The following RNF150 variants were observed in gnomAD, a reference collection of about 807,000 sequenced individuals.
The protein encoded by RNF150 is ring finger protein 150.
A neutral mutation model predicts 39.3 loss-of-function variants in RNF150; 24 were observed. The observed-to-expected ratio is 0.61, with a 90% CI of 0.44 to 0.86. The LOEUF is 0.86. Among genes scored for constraint, RNF150 ranks in the 40% least tolerant of loss-of-function variants. The pLI is 0.00. For missense variants in RNF150, 502 were observed against 587.8 expected (o/e 0.85, Z 1.51); for synonymous variants, 255 against 227.3 (o/e 1.12, Z -1.10).
intron 1 of RNF150, among the ~76,000 whole-genome samples, chr4:141,043,019 A>G (rs1736426306): frequency 1.3e-5 from 2 of 152,118 alleles, no homozygotes; most frequent in African/African-American, 4.8e-5. Context: ...TCTTTTTTAG[A>G]TTTAACATGT....
At chr4:141,026,534 CA>C (rs1181696436) in intron 1 of RNF150, among the ~76,000 whole-genome samples, 3 of 152,108 alleles carry the variant, frequency 2.0e-5, no homozygotes, top group Non-Finnish European at 4.4e-5. Flanking sequence ...GTGGGGTGTG[CA>C]AAGCATTTCT....
At chr4:140,907,680 T>C (rs141144779) in intron 6 of RNF150, among the ~76,000 whole-genome samples, 1 of 152,294 alleles carries the variant, frequency 6.6e-6, no homozygotes, top group Non-Finnish European at 1.5e-5. Flanking sequence ...TAGGCAACTG[T>C]GTTAATTTTT....
At chr4:140,934,200 G>C (rs1273960709) in intron 4 of RNF150, among the ~76,000 whole-genome samples, 3 of 152,092 alleles carry the variant, frequency 2.0e-5, no homozygotes, top group African/African-American at 7.2e-5. Flanking sequence ...TGTAGAGACA[G>C]GGTTTTGCCA....
In RNF150 at chr4:140,999,951, G is replaced by A. The variant is rs1291084184; in HGVS notation, c.485-32078C>T. ...AGACTTGGTCTCAAAAAAAGAAGAA[G>A]AAGAAGAAGAAGAAGAAGAAGAAGA... On this transcript the variant is annotated intron_variant, in intron 1 of 6. Coordinates refer to ENST00000515673, the MANE Select transcript of RNF150 (RefSeq NM_020724.2). Among the ~76,000 whole-genome samples, 27 of 38,142 alleles carry A rather than the reference G, an allele frequency of 7.1e-4. 1 individual carries two copies. Among genetic ancestry groups the A allele is most frequent in the Non-Finnish European group, 1.5e-3 (21 of 14,100 alleles). The allele number at this position is 38,142 out of a possible 152,430, so 25.0% of individuals were successfully genotyped here.
At chr4:141,003,668 T>A (rs768215906) in intron 1 of RNF150, among the ~76,000 whole-genome samples, 3 of 151,952 alleles carry the variant, frequency 2.0e-5, no homozygotes, top group South Asian at 2.1e-4. Flanking sequence ...AGGAAAGTCA[T>A]AGATGCATCT....
At chr4:141,070,291 T>G (rs527435438) in intron 1 of RNF150, among the ~76,000 whole-genome samples, 128 of 152,218 alleles carry the variant, frequency 8.4e-4, no homozygotes, top group African/African-American at 3.0e-3. Flanking sequence ...GAAGAAAACC[T>G]AGGCATTACC....
intron 1 of RNF150, among the ~76,000 whole-genome samples, chr4:141,099,418 AAAAG>A (rs531502824): frequency 3.2e-4 from 49 of 152,176 alleles, no homozygotes; most frequent in Non-Finnish European, 5.3e-4. Flanking sequence ...AGAAAGCAGA[AAAAG>A]AAAGAGAAGA....
At chr4:141,128,367 T>C (rs772017799) in intron 1 of RNF150, among the ~76,000 whole-genome samples, 34 of 152,312 alleles carry the variant, frequency 2.2e-4, no homozygotes, top group Non-Finnish European at 3.2e-4. Context: ...TGCACAAAGA[T>C]ACACAGTGAG....
chr4:141,148,841 TTCTA>T (rs771454671), intron 1 of RNF150, among the ~76,000 whole-genome samples: 1 of 152,234 alleles, frequency 6.6e-6, no homozygotes. Flanking sequence ...TCCTTTCTTC[TTCTA>T]TCTCAGTCCA....
intron 1 of RNF150, among the ~76,000 whole-genome samples, chr4:141,039,246 A>G (rs1311362606): frequency 6.6e-6 from 1 of 152,172 alleles, no homozygotes; most frequent in Non-Finnish European, 1.5e-5. Flanking sequence ...CATTCTAGAA[A>G]TTGGTATGGA....
intron 1 of RNF150, among the ~76,000 whole-genome samples, chr4:141,051,033 G>A (rs1736757927): frequency 6.6e-6 from 1 of 152,150 alleles, no homozygotes; most frequent in East Asian, 1.9e-4. Flanking sequence ...GGTGGAAGTT[G>A]CCAAATCCCA....
upstream of RNF150, among the ~76,000 whole-genome samples, chr4:141,137,645 A>C (rs1002407361): frequency 3.3e-5 from 5 of 152,224 alleles, no homozygotes; most frequent in African/African-American, 1.2e-4. Context: ...GAGACATCCA[A>C]AATGGCAATT....
At chr4:140,923,899 C>T (rs1280786145) in intron 5 of RNF150, among the ~76,000 whole-genome samples, 2 of 151,852 alleles carry the variant, frequency 1.3e-5, no homozygotes, top group Non-Finnish European at 2.9e-5. Context: ...CATGTTCTCA[C>T]TCATAGGTGG....
intron 1 of RNF150, among the ~76,000 whole-genome samples, chr4:140,969,574 G>C (rs1733377151): frequency 6.6e-6 from 1 of 151,924 alleles, no homozygotes; most frequent in African/African-American, 2.4e-5. Flanking sequence ...GCTCATCCTG[G>C]TGCTGCAGCT....
chr4:141,126,214 G>A (rs1302432340), intron 1 of RNF150, among the ~76,000 whole-genome samples: 1 of 152,078 alleles, frequency 6.6e-6, no homozygotes, highest in Non-Finnish European at 1.5e-5. Context: ...AAAATGAAGT[G>A]GGAACTGAGG....
chr4:141,083,130 G>A (rs1009945403), intron 1 of RNF150, among the ~76,000 whole-genome samples: 2 of 152,110 alleles, frequency 1.3e-5, no homozygotes, highest in African/African-American at 4.8e-5. Flanking sequence ...TACTCCAAAT[G>A]AACTGCCAGA....
chr4:140,897,421 G>C (rs1179252809), intron 6 of RNF150, among the ~76,000 whole-genome samples: 1 of 152,158 alleles, frequency 6.6e-6, no homozygotes, highest in African/African-American at 2.4e-5. Context: ...CCTAGAAACT[G>C]TGATTGAGTA....
chr4:140,863,986 G>GGTA lies in RNF150; in HGVS notation c.*4272_*4274dup, dbSNP rs1728600053. 1 of 152,198 alleles carries GGTA rather than the reference G, an allele frequency of 6.6e-6. No homozygotes were observed. The highest frequency in any genetic ancestry group is 2.1e-4 in the South Asian group (1 of 4,828). 9.4% of individuals were successfully genotyped at this position (152,198 alleles called of 1,614,324 possible). On this transcript the variant is annotated 3_prime_UTR_variant, in exon 7 of 7. Transcript: ENST00000515673. ...GGCATTGATTTGGTTTTGAGAGTATGGTAGCCTCAGGGATGTCAGGGCAGT... is the reference window on the plus strand; with the variant it reads ...GGCATTGATTTGGTTTTGAGAGTATGGTAGTAGCCTCAGGGATGTCAGGGCAGT...
At position 140,860,781 on chromosome 4, in the gene RNF150, T is replaced by C. The variant is rs915706089; in HGVS notation, c.*7480A>G. The C allele has an allele frequency of 6.6e-6, 1 of 152,158 alleles. No individual in the cohort carries two copies. Among genetic ancestry groups the C allele is most frequent in the Non-Finnish European group, 1.5e-5 (1 of 68,032 alleles). 9.4% of individuals were successfully genotyped at this position (152,158 alleles called of 1,614,324 possible). ...GTGGGAAATAATATGCTGTACAAAG[T>C]GGTTAAAATAAGTTATTTCTTTTTC... On this transcript the variant is annotated 3_prime_UTR_variant, in exon 7 of 7. Transcript: ENST00000515673.
Sources: allele counts gnomAD v4.1 joint callset (sites outside exome capture counted in the v4.1 genomes callset), GRCh38; gene constraint gnomAD v4.1.1; transcripts MANE v1.5; gene names NCBI Gene and HGNC (gene_info 2026-07-23, HGNC 2026-07-21).